The following MGST1 variants were observed in gnomAD, a reference collection of about 807,000 sequenced individuals.
The protein encoded by MGST1 is microsomal glutathione S-transferase 1, also known as glutathione S-transferase 12.
In MGST1, 5 loss-of-function variants were observed where a neutral mutation model predicts 8.9. That is an observed-to-expected ratio of 0.56 (90% CI 0.29 to 1.19). The LOEUF is 1.19. Among genes scored for constraint, MGST1 ranks in the 50% most tolerant of loss-of-function variants. The pLI is 0.08. For synonymous variants in MGST1, 54 were observed against 67.8 expected, an observed-to-expected ratio of 0.80 and a Z score of 1.00; for missense variants, 182 against 187.4, an observed-to-expected ratio of 0.97 and a Z score of 0.17.
chr12:16,390,576 G>T (rs1940542626), intron 1 of MGST1, among the ~76,000 whole-genome samples: 1 of 152,102 alleles, frequency 6.6e-6, no homozygotes, highest in African/African-American at 2.4e-5. Context: ...GTGCTAGTTT[G>T]CTAAGAATAA....
Position 16,364,230 on chromosome 12 carries a change from A to G in MGST1, c.*189A>G, listed in dbSNP as rs1010776094. 8.6e-5 allele frequency: 110 copies of G among 1,279,114 alleles called. No homozygotes were observed. The highest frequency in any genetic ancestry group is 1.0e-4 in the Non-Finnish European group (103 of 1,012,102). The allele number at this position is 1,279,114 out of a possible 1,614,324, so 79.2% of individuals were successfully genotyped here. ...TTTACATTTGGATTAGAAATTTAAC[A>G]TAGTAATTCTTAAGTCTTTTGTCTG... is the stretch of plus-strand genomic sequence containing the variant. On this transcript the variant is annotated 3_prime_UTR_variant, in exon 4 of 4. Transcript: ENST00000396210. This position sits in a 1 kb window ranked among gnomAD's most constrained non-coding sequence, Gnocchi z 5.7.
intron 1 of MGST1, among the ~76,000 whole-genome samples, chr12:16,390,272 G>A (rs1317839534): frequency 6.6e-6 from 1 of 151,808 alleles, no homozygotes; most frequent in East Asian, 1.9e-4. Flanking sequence ...ACTTTAGAAA[G>A]CTAACACATG....
At chr12:16,492,870 A>G (rs1020658176) in intron 4 of MGST1, among the ~76,000 whole-genome samples, 4 of 152,188 alleles carry the variant, frequency 2.6e-5, no homozygotes, top group Non-Finnish European at 5.9e-5. Context: ...AAGAAATTTC[A>G]TAAGACACAA....
In MGST1 at chr12:16,523,996, A is replaced by G. The variant is rs555607637; in HGVS notation, n.483-65532A>G. 4.6e-5 allele frequency among the ~76,000 whole-genome samples: 7 copies of G among 152,208 alleles called. No homozygotes were observed. The South Asian group carries it at 6.2e-4, about 14-fold the overall frequency. ...ATATGTCTTGTCCTACTAAGTTACA[A>G]TTTCTTCCCAGGAAAGAAAATGGTG... On this transcript the variant is annotated intron_variant and non_coding_transcript_variant, in intron 4 of 4. Transcript: ENST00000538857.
At chr12:16,349,955 A>G (rs1260740831) in intron 1 of MGST1, among the ~76,000 whole-genome samples, 1 of 152,114 alleles carries the variant, frequency 6.6e-6, no homozygotes, top group Admixed American at 6.6e-5. Flanking sequence ...CATGTTAGCC[A>G]GGATGGTCTC....
In MGST1 at chr12:16,387,242, C is replaced by A. The variant is rs185539269; in HGVS notation, n.778+3638C>A. Reference sequence around the variant, plus strand: ...ATGCATTGCATAATGACATTTTGGTCAATGATGGAGCATATATATGGCTGT... The same window carrying A: ...ATGCATTGCATAATGACATTTTGGTAAATGATGGAGCATATATATGGCTGT... On this transcript the variant is annotated intron_variant and non_coding_transcript_variant, in intron 1 of 1. Transcript: ENST00000359720. Among the ~76,000 whole-genome samples the A allele has an allele frequency of 7.2e-5, 11 of 152,096 alleles. No homozygotes were observed. In the East Asian group the frequency reaches 2.1e-3, roughly 29 times the overall value.
intron 4 of MGST1, among the ~76,000 whole-genome samples, chr12:16,445,339 C>G (rs2137107233): frequency 6.6e-6 from 1 of 151,972 alleles, no homozygotes; most frequent in South Asian, 2.1e-4. Flanking sequence ...AGGCACTAGA[C>G]ACTGCTGAGT....
intron 2 of MGST1, among the ~76,000 whole-genome samples, chr12:16,356,549 C>T (rs1939723860): frequency 6.6e-6 from 1 of 152,066 alleles, no homozygotes; most frequent in Admixed American, 6.6e-5. Flanking sequence ...AAATAGAAAA[C>T]AAATGAGATT....
At chr12:16,581,366 G>A (rs1019247257) in intron 4 of MGST1, among the ~76,000 whole-genome samples, 9 of 152,080 alleles carry the variant, frequency 5.9e-5, no homozygotes, top group African/African-American at 2.2e-4. Context: ...CTCTAAAATG[G>A]GTTTAATAAT....
In MGST1 at chr12:16,537,056, C is replaced by G. The variant is rs1009591842; in HGVS notation, n.483-52472C>G. The stretch of plus-strand genomic sequence containing the variant: ...TCATCTGAGACAAGGCAAGTCCCTT[C>G]TGCCTATGAACCTGTAAAGTCAAAA... On this transcript the variant is annotated intron_variant and non_coding_transcript_variant, in intron 4 of 4. Coordinates refer to the MGST1 transcript ENST00000538857. This position sits in a 1 kb window ranked among gnomAD's most constrained non-coding sequence, Gnocchi z 4.6. Among the ~76,000 whole-genome samples, 6 of 152,164 alleles carry G rather than the reference C, an allele frequency of 3.9e-5. 1 individual carries two copies. The highest frequency in any genetic ancestry group is 1.2e-4 in the African/African-American group (5 of 41,444).
At chr12:16,446,814 T>G (rs1372611428) in intron 4 of MGST1, among the ~76,000 whole-genome samples, 11 of 151,768 alleles carry the variant, frequency 7.2e-5, no homozygotes, top group Non-Finnish European at 1.5e-4. Flanking sequence ...CCTTGTACAC[T>G]CCTGATGGCC....
At chr12:16,507,777 A>G (rs1209385009) in intron 4 of MGST1, among the ~76,000 whole-genome samples, 1 of 152,094 alleles carries the variant, frequency 6.6e-6, no homozygotes, top group Non-Finnish European at 1.5e-5. Context: ...TATCATGAGA[A>G]CAACAGGGAG....
In MGST1 at chr12:16,576,437, C is replaced by G. The variant is rs972133813; in HGVS notation, n.483-13091C>G. ...ATCTATTCTTCCTGGAAGACTACTG[C>G]TGCTTTTTTTTCATATTCAGATCAA... is the stretch of plus-strand genomic sequence containing the variant. On this transcript the variant is annotated intron_variant and non_coding_transcript_variant, in intron 4 of 4. Coordinates refer to the MGST1 transcript ENST00000538857. The surrounding 1 kb of genome is among the most constrained non-coding windows in gnomAD (Gnocchi z 4.1). Among the ~76,000 whole-genome samples, 3 of 152,218 alleles carry G rather than the reference C, an allele frequency of 2.0e-5. No individual in the cohort carries two copies. The highest frequency in any genetic ancestry group is 4.8e-5 in the African/African-American group (2 of 41,460).
chr12:16,363,591 TAAA>T lies in MGST1; in HGVS notation c.222-201_222-199del. On this transcript the variant is annotated intron_variant, in intron 3 of 3. Transcript: ENST00000396210. The surrounding 1 kb of genome is among the most constrained non-coding windows in gnomAD (Gnocchi z 4.6). Reference sequence around the variant, plus strand: ...GTGATATTTAAAGATACACTAAAAATAAAAAGAAACAGAAATAATGAGAGATTC... The same window carrying T: ...GTGATATTTAAAGATACACTAAAAATAAGAAACAGAAATAATGAGAGATTC... 2.6e-6 allele frequency: 1 copy of T among 386,648 alleles called. No homozygotes were observed. The highest frequency in any genetic ancestry group is 4.0e-5 in the East Asian group (1 of 24,784). The allele number at this position is 386,648 out of a possible 1,614,324, so 24.0% of individuals were successfully genotyped here.
At chr12:16,421,944 T>G (rs78089287) in intron 1 of MGST1, among the ~76,000 whole-genome samples, 6,993 of 152,240 alleles carry the variant, frequency 0.046, 485 homozygotes, top group African/African-American at 0.15. Context: ...CACATTGATC[T>G]CTCACCATTA....
At chr12:16,358,640 G>C (rs999011854) in intron 3 of MGST1, among the ~76,000 whole-genome samples, 9 of 151,764 alleles carry the variant, frequency 5.9e-5, no homozygotes, top group African/African-American at 9.7e-5. Context: ...CTAATTTTCT[G>C]TATTTTCAGT....
rs1217259037 is a variant in MGST1 at position 16,586,307 on chromosome 12, A to G, written n.483-3221A>G. ...GTGTTAAGATGTCATGATACGATGA[A>G]GTCCACATACGGAACAACTAAGAAA... is the stretch of plus-strand genomic sequence containing the variant. On this transcript the variant is annotated intron_variant and non_coding_transcript_variant, in intron 4 of 4. Transcript: ENST00000538857. This position sits in a 1 kb window ranked among gnomAD's most constrained non-coding sequence, Gnocchi z 4.3. 6.6e-6 allele frequency among the ~76,000 whole-genome samples: 1 copy of G among 152,202 alleles called. No homozygotes were observed. Among genetic ancestry groups the G allele is most frequent in the East Asian group, 1.9e-4 (1 of 5,202 alleles).
chr12:16,353,332 C>G, intron 1 of MGST1: 1 of 152,244 alleles, frequency 6.6e-6, no homozygotes. Context: ...CACACCAGGC[C>G]TACTGTTTCG....
At chr12:16,414,194 C>T (rs1305118820) in intron 1 of MGST1, among the ~76,000 whole-genome samples, 12 of 151,772 alleles carry the variant, frequency 7.9e-5, no homozygotes, top group African/African-American at 2.7e-4. Flanking sequence ...ATTTTTCTAG[C>T]TACTAGCTTT....
Sources: allele counts gnomAD v4.1 joint callset (sites outside exome capture counted in the v4.1 genomes callset), GRCh38; gene constraint gnomAD v4.1.1; non-coding constraint Gnocchi (gnomAD v3.1); transcripts MANE v1.5; gene names NCBI Gene and HGNC (gene_info 2026-07-23, HGNC 2026-07-21).